Variants in RWDD3 observed in about 807,000 individuals in gnomAD.
The protein encoded by RWDD3 is RWD domain containing 3.
In RWDD3, 30 loss-of-function variants were observed where a neutral mutation model predicts 26.5. The observed-to-expected ratio is 1.13, with a 90% CI of 0.85 to 1.54. The LOEUF is 1.54. Ranked by LOEUF, RWDD3 falls within the 40% of genes most tolerant of loss-of-function variation. The pLI, the probability that RWDD3 is intolerant of heterozygous loss-of-function variation, is 0.00. For missense variants in RWDD3, 296 were observed against 309.1 expected, an observed-to-expected ratio of 0.96 and a Z score of 0.32; for synonymous variants, 113 against 114.5, an observed-to-expected ratio of 0.99 and a Z score of 0.09.
chr1:95,243,615 T>C (rs1290952279), intron 1 of RWDD3: 1 of 152,520 alleles, frequency 6.6e-6, no homozygotes, highest in Non-Finnish European at 1.5e-5. Context: ...TGATGTCCAC[T>C]CAATTTCAGT....
At chr1:95,235,765 C>T (rs978091881) in intron 1 of RWDD3, among the ~76,000 whole-genome samples, 1 of 151,930 alleles carries the variant, frequency 6.6e-6, no homozygotes, top group Non-Finnish European at 1.5e-5. Flanking sequence ...TCAGAGACAC[C>T]GCTACCCATG....
intron 2 of RWDD3, 82 bp from the exon 3 acceptor site, chr1:95,246,460 C>A: frequency 1.4e-6 from 1 of 710,836 alleles, no homozygotes; most frequent in Non-Finnish European, 2.4e-6. Flanking sequence ...GAAAATAAGC[C>A]TACAGGTTTA....
At chr1:95,245,901 A>T (rs1184774785) in intron 2 of RWDD3, among the ~76,000 whole-genome samples, 1 of 152,178 alleles carries the variant, frequency 6.6e-6, no homozygotes, top group Non-Finnish European at 1.5e-5. Flanking sequence ...ATTTAACTAG[A>T]ACCCTGCTAA....
chr1:95,236,306 G>A (rs1326659742), intron 1 of RWDD3, among the ~76,000 whole-genome samples: 1 of 150,092 alleles, frequency 6.7e-6, no homozygotes, highest in South Asian at 2.1e-4. Flanking sequence ...CTGCAGCCTG[G>A]GTAACAAGAG....
chr1:95,238,776 G>T (rs1204529949), intron 1 of RWDD3, among the ~76,000 whole-genome samples: 1 of 151,996 alleles, frequency 6.6e-6, no homozygotes, highest in Non-Finnish European at 1.5e-5. Context: ...AGTTTCTGTT[G>T]TGTGTTGTAT....
intron 1 of RWDD3, chr1:95,239,687 T>A: frequency 9.0e-7 from 1 of 1,111,716 alleles, no homozygotes; most frequent in Non-Finnish European, 1.1e-6. Flanking sequence ...TAAGGCAGTT[T>A]TCTTCCGAAC....
chr1:95,236,082 T>G (rs1051851808), intron 1 of RWDD3, among the ~76,000 whole-genome samples: 7 of 152,132 alleles, frequency 4.6e-5, no homozygotes, highest in African/African-American at 1.7e-4. Flanking sequence ...TCCCAGCACT[T>G]TGGGAGGCCG....
intron 1 of RWDD3, among the ~76,000 whole-genome samples, chr1:95,241,358 AATGGGGTGATGTAGAGGTAGG>A (rs1355670104): frequency 6.6e-6 from 1 of 151,970 alleles, no homozygotes; most frequent in Non-Finnish European, 1.5e-5. Context: ...CCCCAAGTTC[AATGGGGTGATGTAGAGGTAGG>A]CTGAGGTGCA....
intron 1 of RWDD3, among the ~76,000 whole-genome samples, chr1:95,238,227 G>A (rs1047328186): frequency 6.6e-6 from 1 of 152,186 alleles, no homozygotes; most frequent in African/African-American, 2.4e-5. Context: ...CACAGAAGCT[G>A]CAGAGTGAAT....
chr1:95,236,252 G>C (rs1320315000), intron 1 of RWDD3, among the ~76,000 whole-genome samples: 1 of 151,992 alleles, frequency 6.6e-6, no homozygotes, highest in African/African-American at 2.4e-5. Context: ...CTTGAACCCG[G>C]GAGGCGGAGG....
intron 1 of RWDD3, among the ~76,000 whole-genome samples, chr1:95,240,231 G>A (rs763275098): frequency 6.6e-6 from 1 of 152,104 alleles, no homozygotes. Context: ...TTTACCACAG[G>A]TACCAGGGAT....
chr1:95,246,711 C>T, intron 3 of RWDD3, 45 bp from the exon 4 acceptor site: 2 of 1,531,966 alleles, frequency 1.3e-6, no homozygotes, highest in Non-Finnish European at 1.8e-6. Context: ...TAATTATACT[C>T]TGACAAATCT....
chr1:95,246,708 A>G (rs1293396338), intron 3 of RWDD3, 48 bp from the exon 4 acceptor site: 1 of 1,534,668 alleles, frequency 6.5e-7, no homozygotes, highest in Non-Finnish European at 8.9e-7. Context: ...CGATAATTAT[A>G]CTCTGACAAA....
At chr1:95,244,122 T>C in intron 1 of RWDD3, 89 bp from the exon 2 acceptor site, 2 of 1,514,516 alleles carry the variant, frequency 1.3e-6, no homozygotes, top group Non-Finnish European at 1.8e-6. Flanking sequence ...GAAAAATAAA[T>C]TGACATTTGA....
chr1:95,238,798 G>C (rs1024817444), intron 1 of RWDD3, among the ~76,000 whole-genome samples: 1 of 152,040 alleles, frequency 6.6e-6, no homozygotes, highest in African/African-American at 2.4e-5. Flanking sequence ...TTATTAAGTA[G>C]AATGAAACCT....
At position 95,234,273 on chromosome 1, in the gene RWDD3, AT is replaced by A. The variant is rs1557716690; in HGVS notation, c.47del (p.Phe16SerfsTer10). ...VQEELSVLAA[I>X]FCRPHEWEVL... is the part of the protein sequence containing the mutation. ...GGAGGAGCTCTCGGTCCTGGCCGCGATTTTCTGCAGGCCCCACGAGTGGGAG... is the reference window on the plus strand; with the variant it reads ...GGAGGAGCTCTCGGTCCTGGCCGCGATTTCTGCAGGCCCCACGAGTGGGAG... On this transcript the variant is annotated frameshift_variant, in exon 1 of 4. Coordinates refer to ENST00000370202, the MANE Select transcript of RWDD3 (RefSeq NM_015485.5). LOFTEE classifies it high-confidence loss of function. 1.3e-6 allele frequency: 2 copies of A among 1,599,122 alleles called. No individual in the cohort carries two copies. Among genetic ancestry groups the A allele is most frequent in the East Asian group, 4.5e-5 (2 of 44,246 alleles).
rs1451450580 is a variant in RWDD3 at position 95,234,275 on chromosome 1, T to C, written c.45T>C (p.Ile15=). 1.3e-6 allele frequency: 2 copies of C among 1,599,544 alleles called. No homozygotes were observed. The highest frequency in any genetic ancestry group is 2.3e-5 in the South Asian group (2 of 88,184). ...VQEELSVLAA[I]FCRPHEWEVL... ...AGGAGCTCTCGGTCCTGGCCGCGATTTTCTGCAGGCCCCACGAGTGGGAGG... is the reference window on the plus strand; with the variant it reads ...AGGAGCTCTCGGTCCTGGCCGCGATCTTCTGCAGGCCCCACGAGTGGGAGG... Residue 15 remains isoleucine, a synonymous_variant, in exon 1 of 4, where the codon ATT becomes ATC. Transcript: ENST00000370202.
chr1:95,245,298 T>A (rs572700939), intron 2 of RWDD3, among the ~76,000 whole-genome samples: 48 of 152,314 alleles, frequency 3.2e-4, no homozygotes, highest in African/African-American at 1.1e-3. Context: ...AATCATCATC[T>A]TCTTCAGATT....
intron 2 of RWDD3, 61 bp from the exon 3 acceptor site, chr1:95,246,481 A>G: frequency 1.0e-6 from 1 of 974,960 alleles, no homozygotes; most frequent in Non-Finnish European, 1.6e-6. Flanking sequence ...TAGCTCCTTT[A>G]AAACTGGGAC....
Sources: allele counts gnomAD v4.1 joint callset (sites outside exome capture counted in the v4.1 genomes callset), GRCh38; gene constraint gnomAD v4.1.1; transcripts MANE v1.5; gene names NCBI Gene and HGNC (gene_info 2026-07-23, HGNC 2026-07-21).